Variants in GRIK2 observed in about 807,000 individuals in gnomAD.
GRIK2 encodes the protein glutamate receptor ionotropic, kainate 2.
In GRIK2, 32 loss-of-function variants were observed where a neutral mutation model predicts 100.3. The observed-to-expected ratio is 0.32, with a 90% CI of 0.24 to 0.43. The LOEUF (loss-of-function observed/expected upper bound fraction) is 0.43. GRIK2 is among the 20% of genes least tolerant of loss of function. GRIK2 has a pLI of 1.00. For synonymous variants in GRIK2, 417 were observed against 389.4 expected, an observed-to-expected ratio of 1.07 and a Z score of -0.83; for missense variants, 843 against 1,114.9, an observed-to-expected ratio of 0.76 and a Z score of 3.47.
chr6:101,488,193 T>C (rs373834359), intron 2 of GRIK2, among the ~76,000 whole-genome samples: 1 of 146,736 alleles, frequency 6.8e-6, no homozygotes, highest in Non-Finnish European at 1.5e-5. Flanking sequence ...TTAACCAAAT[T>C]ATTCTGTCTT....
chr6:101,787,092 G>A (rs1330393997), intron 7 of GRIK2, among the ~76,000 whole-genome samples: 1 of 151,614 alleles, frequency 6.6e-6, no homozygotes, highest in Non-Finnish European at 1.5e-5. Flanking sequence ...ATAAATTTTT[G>A]AGTTTGTTAG....
At chr6:101,416,301 G>A (rs1562121679) in intron 2 of GRIK2, among the ~76,000 whole-genome samples, 1 of 152,190 alleles carries the variant, frequency 6.6e-6, no homozygotes, top group African/African-American at 2.4e-5. Context: ...GGCGTGATCC[G>A]TGTTAGAGGG....
At chr6:101,785,821 A>G (rs1002671144) in intron 7 of GRIK2, among the ~76,000 whole-genome samples, 1 of 151,988 alleles carries the variant, frequency 6.6e-6, no homozygotes, top group Non-Finnish European at 1.5e-5. Context: ...TTCCATATGA[A>G]TTTTAGAAGT....
At chr6:101,775,354 C>T (rs901436562) in intron 7 of GRIK2, among the ~76,000 whole-genome samples, 1 of 152,056 alleles carries the variant, frequency 6.6e-6, no homozygotes, top group African/African-American at 2.4e-5. Flanking sequence ...AGTTTCTTAT[C>T]TGAATCTCAG....
At chr6:101,981,490 T>C (rs934386938) in intron 14 of GRIK2, among the ~76,000 whole-genome samples, 5 of 151,872 alleles carry the variant, frequency 3.3e-5, no homozygotes, top group African/African-American at 1.2e-4. Flanking sequence ...TACTAAACAC[T>C]AATAGTCAAG....
intron 2 of GRIK2, among the ~76,000 whole-genome samples, chr6:101,442,876 A>G (rs1159587728): frequency 6.6e-6 from 1 of 152,142 alleles, no homozygotes; most frequent in African/African-American, 2.4e-5. Context: ...ATTTCTTTGC[A>G]TTAGCGTATT....
intron 2 of GRIK2, among the ~76,000 whole-genome samples, chr6:101,569,870 G>T (rs1165029260): frequency 1.3e-5 from 2 of 151,992 alleles, no homozygotes; most frequent in Non-Finnish European, 1.5e-5. Context: ...ACTATTGCTG[G>T]AAATCTTTTT....
intron 14 of GRIK2, among the ~76,000 whole-genome samples, chr6:101,935,029 T>A (rs1330753592): frequency 6.6e-6 from 1 of 152,046 alleles, no homozygotes; most frequent in East Asian, 1.9e-4. Context: ...TAGCAAGATT[T>A]CTAGTTAAGT....
At chr6:101,673,998 A>T (rs1770636827) in intron 4 of GRIK2, among the ~76,000 whole-genome samples, 1 of 152,220 alleles carries the variant, frequency 6.6e-6, no homozygotes, top group Non-Finnish European at 1.5e-5. Flanking sequence ...ATGCATTATT[A>T]AATGAATATT....
intron 2 of GRIK2, among the ~76,000 whole-genome samples, chr6:101,569,889 T>A (rs1263016363): frequency 6.6e-6 from 1 of 152,142 alleles, no homozygotes; most frequent in Non-Finnish European, 1.5e-5. Flanking sequence ...TTGAATTACT[T>A]TCTTTCTTGC....
chr6:101,686,573 A>G (rs1054735347), intron 7 of GRIK2, among the ~76,000 whole-genome samples: 3 of 152,188 alleles, frequency 2.0e-5, no homozygotes, highest in Admixed American at 6.6e-5. Flanking sequence ...AAAAGGCATT[A>G]CAACTATCAC....
At chr6:101,739,493 C>G (rs1341369107) in intron 7 of GRIK2, among the ~76,000 whole-genome samples, 7 of 152,166 alleles carry the variant, frequency 4.6e-5, no homozygotes, top group Non-Finnish European at 4.4e-5. Context: ...CTGTTATTGA[C>G]TGGCTCAAGG....
intron 14 of GRIK2, among the ~76,000 whole-genome samples, chr6:102,000,634 G>T (rs1350802238): frequency 6.6e-6 from 1 of 151,908 alleles, no homozygotes; most frequent in Non-Finnish European, 1.5e-5. Flanking sequence ...CAAAGTATTT[G>T]TCCATTTATC....
chr6:101,604,290 A>G (rs979421204), intron 2 of GRIK2, among the ~76,000 whole-genome samples: 2 of 151,656 alleles, frequency 1.3e-5, no homozygotes, highest in African/African-American at 4.8e-5. Context: ...AACATATAAT[A>G]TATAATTACA....
rs2114549721 is a variant in GRIK2, at chr6:102,069,905, C to T, written c.*1394C>T. On this transcript the variant is annotated 3_prime_UTR_variant, in exon 17 of 17. Coordinates refer to ENST00000369134, the MANE Select transcript of GRIK2 (RefSeq NM_021956.5). ...GCACTACCACCACTGCTTACCATGCCACACCCCTGGTTTCCACGAGGCTGA... is the reference window on the plus strand; with the variant it reads ...GCACTACCACCACTGCTTACCATGCTACACCCCTGGTTTCCACGAGGCTGA... 6.6e-6 allele frequency: 1 copy of T among 151,966 alleles called. No homozygotes were observed. Among genetic ancestry groups the T allele is most frequent in the South Asian group, 2.1e-4 (1 of 4,808 alleles). The allele number at this position is 151,966 out of a possible 1,614,324, so 9.4% of individuals were successfully genotyped here.
intron 7 of GRIK2, among the ~76,000 whole-genome samples, chr6:101,716,712 C>A (rs1425154701): frequency 6.6e-6 from 1 of 151,650 alleles, no homozygotes; most frequent in Non-Finnish European, 1.5e-5. Flanking sequence ...AACAAACCTG[C>A]ATGTTGTGCA....
intron 7 of GRIK2, among the ~76,000 whole-genome samples, chr6:101,766,728 C>T (rs1778066589): frequency 6.6e-6 from 1 of 152,166 alleles, no homozygotes. Context: ...AAATGAGCCC[C>T]ATTCTTAGCA....
At chr6:101,395,492 T>C (rs994530453) in intron 1 of GRIK2, among the ~76,000 whole-genome samples, 2 of 152,182 alleles carry the variant, frequency 1.3e-5, no homozygotes, top group African/African-American at 4.8e-5. Context: ...CATTGTCTTT[T>C]TAAATGTTGT....
intron 2 of GRIK2, among the ~76,000 whole-genome samples, chr6:101,526,077 G>T (rs976677702): frequency 2.6e-5 from 4 of 152,200 alleles, no homozygotes; most frequent in African/African-American, 9.7e-5. Context: ...GAGCAGAATT[G>T]ATTCCTAGAT....
Sources: gnomAD v4.1 joint callset for allele counts (sites outside exome capture counted in the v4.1 genomes callset) on GRCh38, gnomAD v4.1.1 for gene constraint, MANE v1.5 for transcripts, NCBI Gene and HGNC (gene_info 2026-07-23, HGNC 2026-07-21) for gene names.